GPAT3: variants seen among roughly 807,000 people sequenced by gnomAD.
GPAT3 encodes glycerol-3-phosphate acyltransferase 3, also known as 1-AGP acyltransferase 9.
A neutral mutation model predicts 58.8 loss-of-function variants in GPAT3; 53 were observed. That is an observed-to-expected ratio of 0.90 (90% CI 0.72 to 1.13). GPAT3 has a LOEUF of 1.13. Among genes scored for constraint, GPAT3 ranks in the 50% most tolerant of loss-of-function variants. The pLI is 0.00. For missense variants in GPAT3, 511 were observed against 527.6 expected (o/e 0.97, Z 0.31); for synonymous variants, 197 against 187.4 (o/e 1.05, Z -0.42).
At chr4:83,567,824 G>C (rs565135841) in intron 2 of GPAT3, among the ~76,000 whole-genome samples, 1 of 152,098 alleles carries the variant, frequency 6.6e-6, no homozygotes, top group South Asian at 2.1e-4. Flanking sequence ...GTTGGTTAGG[G>C]GTGCATATGT....
intron 11 of GPAT3, among the ~76,000 whole-genome samples, chr4:83,603,902 C>T (rs1228702232): frequency 6.6e-6 from 1 of 151,958 alleles, no homozygotes; most frequent in Non-Finnish European, 1.5e-5. Context: ...GAAATTTACC[C>T]ACACATATAC....
intron 6 of GPAT3, among the ~76,000 whole-genome samples, chr4:83,591,762 A>C (rs1726610484): frequency 6.6e-6 from 1 of 152,164 alleles, no homozygotes; most frequent in South Asian, 2.1e-4. Context: ...ATTTTATTAT[A>C]GATGAGGAAG....
intron 5 of GPAT3, among the ~76,000 whole-genome samples, chr4:83,589,842 A>G (rs1388983498): frequency 1.3e-5 from 2 of 152,174 alleles, no homozygotes; most frequent in Non-Finnish European, 2.9e-5. Context: ...CTGTGATCCC[A>G]GCACTTTGGG....
At chr4:83,588,710 C>CA (rs1185367000) in intron 5 of GPAT3, among the ~76,000 whole-genome samples, 1 of 152,168 alleles carries the variant, frequency 6.6e-6, no homozygotes, top group Non-Finnish European at 1.5e-5. Flanking sequence ...ATGAAGTTGA[C>CA]AGGTCTGTAC....
At chr4:83,565,925 C>G (rs1338453558) in intron 2 of GPAT3, among the ~76,000 whole-genome samples, 1 of 152,246 alleles carries the variant, frequency 6.6e-6, no homozygotes, top group Non-Finnish European at 1.5e-5. Flanking sequence ...TGAGTTTCCT[C>G]GAGCAAAGGC....
chr4:83,587,256 G>A lies in GPAT3; in HGVS notation c.481G>A (p.Val161Ile). 1 of 1,612,860 alleles carries A rather than the reference G, an allele frequency of 6.2e-7. No individual in the cohort carries two copies. The change falls in exon 4 of 12, where the codon GTT (valine) becomes ATT (isoleucine). Residue 161 changes from valine to isoleucine, a missense_variant and splice_region_variant. Val to Ile is a conservative substitution (Grantham distance 29, BLOSUM62 3). Transcript: ENST00000264409. ...ATGGCCCTCTCTTTTCTTTTTCAGGGTTACCTTGGCTTTCATTGGGATCAG... is the reference window on the plus strand; with the variant it reads ...ATGGCCCTCTCTTTTCTTTTTCAGGATTACCTTGGCTTTCATTGGGATCAG... ...VRYCVLLPLR[V>I]TLAFIGISLL... is the part of the protein sequence containing the mutation.
intron 3 of GPAT3, among the ~76,000 whole-genome samples, chr4:83,584,330 C>T (rs1012607927): frequency 2.2e-4 from 33 of 152,250 alleles, no homozygotes; most frequent in Non-Finnish European, 4.0e-4. Flanking sequence ...AAAGAAAATG[C>T]AGAGTTCAGA....
chr4:83,536,541 C>T lies in GPAT3; in HGVS notation c.-82C>T, dbSNP rs1437215886. 9 of 1,535,908 alleles carry T rather than the reference C, an allele frequency of 5.9e-6. No individual in the cohort carries two copies. Among genetic ancestry groups the T allele is most frequent in the African/African-American group, 5.5e-5 (4 of 72,948 alleles). On this transcript the variant is annotated 5_prime_UTR_variant, in exon 1 of 12. Coordinates refer to ENST00000264409, the MANE Select transcript of GPAT3 (RefSeq NM_032717.5). ...GGCTCGGCGCTCTGCTCCTGGAGCT[C>T]CCGCGGGACTGCCTGGGGACAGGGA...
intron 2 of GPAT3, among the ~76,000 whole-genome samples, chr4:83,569,307 G>T (rs1282585504): frequency 1.3e-5 from 2 of 152,174 alleles, no homozygotes; most frequent in Non-Finnish European, 2.9e-5. Flanking sequence ...TGGCTTCATG[G>T]TCAATCTGTC....
chr4:83,604,019 T>C (rs1264813895), intron 11 of GPAT3, among the ~76,000 whole-genome samples: 1 of 152,132 alleles, frequency 6.6e-6, no homozygotes, highest in Non-Finnish European at 1.5e-5. Flanking sequence ...AGGAATAATA[T>C]AGAGAAATAA....
intron 7 of GPAT3, among the ~76,000 whole-genome samples, chr4:83,595,771 G>C (rs1181079819): frequency 6.6e-6 from 1 of 152,094 alleles, no homozygotes; most frequent in Non-Finnish European, 1.5e-5. Flanking sequence ...AACCTCTGGG[G>C]TTTAGGGTAG....
At position 83,598,169 on chromosome 4, in the gene GPAT3, T is replaced by C. The variant is rs753463724; in HGVS notation, c.1115T>C (p.Met372Thr). 7.1e-5 allele frequency: 115 copies of C among 1,612,880 alleles called. No homozygotes were observed. Among genetic ancestry groups the C allele is most frequent in the Non-Finnish European group, 9.6e-5 (113 of 1,179,666 alleles). ...IVCDVWYMPP[M>T]TREEGEDAVQ... ...TGTGACGTGTGGTACATGCCCCCCA[T>C]GACCAGAGAGGTATTCCTTAGCTAA... The change falls in exon 10 of 12, where the codon ATG becomes ACG. Residue 372 changes from methionine (M) to threonine (T), a missense_variant. Physicochemically the swap from Met to Thr is moderately conservative, Grantham distance 81 (BLOSUM62 -1). Coordinates refer to ENST00000264409, the MANE Select transcript of GPAT3 (RefSeq NM_032717.5).
chr4:83,577,296 A>G (rs1243591875), intron 2 of GPAT3, among the ~76,000 whole-genome samples: 2 of 152,274 alleles, frequency 1.3e-5, no homozygotes, highest in African/African-American at 4.8e-5. Context: ...TGGACCAGAA[A>G]AAAAAAATTG....
At chr4:83,583,667 G>GGAAAA (rs1553947553) in intron 3 of GPAT3, among the ~76,000 whole-genome samples, 2 of 23,462 alleles carry the variant, frequency 8.5e-5, no homozygotes, top group African/African-American at 3.8e-4. Context: ...ACTCTTGTCT[G>GGAAAA]AAAAAAAAAA....
intron 2 of GPAT3, among the ~76,000 whole-genome samples, chr4:83,578,744 G>A (rs1382846807): frequency 1.3e-5 from 2 of 151,910 alleles, no homozygotes; most frequent in Non-Finnish European, 2.9e-5. Context: ...ACACTATCAT[G>A]GTTCATCCTC....
chr4:83,557,556 G>C (rs1374751879), intron 2 of GPAT3, among the ~76,000 whole-genome samples: 1 of 152,174 alleles, frequency 6.6e-6, no homozygotes, highest in Non-Finnish European at 1.5e-5. Flanking sequence ...ATGTTTTAAT[G>C]TTGAATGTGG....
At chr4:83,541,391 AC>A (rs1724298250) in intron 1 of GPAT3, among the ~76,000 whole-genome samples, 1 of 121,228 alleles carries the variant, frequency 8.2e-6, no homozygotes, top group South Asian at 2.6e-4. Flanking sequence ...CTAATTTAAA[AC>A]CTTTTTTTTT....
chr4:83,568,532 G>T (rs1725487067), intron 2 of GPAT3, among the ~76,000 whole-genome samples: 1 of 150,816 alleles, frequency 6.6e-6, no homozygotes, highest in Admixed American at 6.6e-5. Flanking sequence ...TTTTGAGACG[G>T]AGTCTCGCTC....
chr4:83,579,098 CCTT>C (rs1726000568), intron 2 of GPAT3, among the ~76,000 whole-genome samples: 1 of 106,804 alleles, frequency 9.4e-6, no homozygotes, highest in Non-Finnish European at 2.0e-5. Flanking sequence ...TTCCTTCCTT[CCTT>C]CCTTCCTTCC....
Sources: gnomAD v4.1 joint callset for allele counts (sites outside exome capture counted in the v4.1 genomes callset) on GRCh38, gnomAD v4.1.1 for gene constraint, MANE v1.5 for transcripts, NCBI Gene and HGNC (gene_info 2026-07-23, HGNC 2026-07-21) for gene names.